The following CNTNAP4 variants were observed in gnomAD, a reference collection of about 807,000 sequenced individuals.
The protein encoded by CNTNAP4 is contactin-associated protein-like 4.
CNTNAP4 carries 98 observed loss-of-function variants against 148.4 expected under a neutral mutation model. That is an observed-to-expected ratio of 0.66 (90% CI 0.56 to 0.78). The LOEUF (loss-of-function observed/expected upper bound fraction) is 0.78. CNTNAP4 is among the 30% of genes least tolerant of loss of function. The pLI, the probability that CNTNAP4 is intolerant of heterozygous loss-of-function variation, is 0.00. For missense variants in CNTNAP4, 1,935 were observed against 1,565.6 expected (o/e 1.24, Z -3.98); for synonymous variants, 730 against 565.1 (o/e 1.29, Z -4.14).
intron 4 of CNTNAP4, among the ~76,000 whole-genome samples, chr16:76,445,633 T>C (rs2080210382): frequency 6.6e-6 from 1 of 152,030 alleles, no homozygotes; most frequent in South Asian, 2.1e-4. Context: ...CACAAAAGCT[T>C]TAGGTGCCAC....
intron 3 of CNTNAP4, among the ~76,000 whole-genome samples, chr16:76,420,711 G>A (rs2079160230): frequency 6.6e-6 from 1 of 151,830 alleles, no homozygotes; most frequent in South Asian, 2.1e-4. Flanking sequence ...AAACTACCCA[G>A]CTATTGTTTC....
chr16:76,309,076 A>T lies in CNTNAP4; in HGVS notation c.86-7337A>T, dbSNP rs958448238. ...CCACCTTGGCCTTGAAAGTGCTGGG[A>T]TTACAAGCATGAGCGAGCACACCTG... On this transcript the variant is annotated intron_variant, in intron 1 of 23. Transcript: ENST00000611870. Among the ~76,000 whole-genome samples, 7 of 151,696 alleles carry T rather than the reference A, an allele frequency of 4.6e-5. 1 individual carries two copies. Among genetic ancestry groups the T allele is most frequent in the Admixed American group, 4.6e-4 (7 of 15,208 alleles).
intron 2 of CNTNAP4, among the ~76,000 whole-genome samples, chr16:76,316,943 T>C (rs1049297467): frequency 2.0e-5 from 3 of 152,146 alleles, no homozygotes; most frequent in Admixed American, 6.6e-5. Flanking sequence ...AGCTGAAGAA[T>C]AGGAACATAA....
intron 3 of CNTNAP4, among the ~76,000 whole-genome samples, chr16:76,392,066 C>G (rs968229292): frequency 7.9e-5 from 12 of 152,192 alleles, no homozygotes; most frequent in Admixed American, 7.9e-4. Flanking sequence ...TCTCGGCTCA[C>G]TGCAACGAGT....
At chr16:76,322,107 A>G (rs985014207) in intron 2 of CNTNAP4, among the ~76,000 whole-genome samples, 3 of 152,194 alleles carry the variant, frequency 2.0e-5, no homozygotes, top group Non-Finnish European at 4.4e-5. Context: ...AGACCAACTC[A>G]TGATATCCAG....
chr16:76,339,369 G>T (rs1964280672), intron 2 of CNTNAP4, among the ~76,000 whole-genome samples: 1 of 152,008 alleles, frequency 6.6e-6, no homozygotes, highest in African/African-American at 2.4e-5. Context: ...ATAGTGTTTA[G>T]ATTGTTGAAA....
At chr16:76,355,235 T>G in intron 2 of CNTNAP4, 83 bp from the exon 3 acceptor site, 1 of 1,011,344 alleles carries the variant, frequency 9.9e-7, no homozygotes, top group South Asian at 2.0e-5. Flanking sequence ...AGGAATACAG[T>G]CGTACTGGCA....
intron 2 of CNTNAP4, among the ~76,000 whole-genome samples, chr16:76,338,903 G>A (rs1964239086): frequency 6.6e-6 from 1 of 152,186 alleles, no homozygotes; most frequent in South Asian, 2.1e-4. Flanking sequence ...GAATACAGAA[G>A]TGATCTCTGT....
At chr16:76,419,640 C>T (rs1407840261) in intron 3 of CNTNAP4, among the ~76,000 whole-genome samples, 7 of 151,950 alleles carry the variant, frequency 4.6e-5, no homozygotes, top group African/African-American at 7.2e-5. Context: ...TGGATGGTCC[C>T]GTCCCTCTAG....
chr16:76,388,620 C>T (rs2016705242), intron 3 of CNTNAP4, among the ~76,000 whole-genome samples: 1 of 152,148 alleles, frequency 6.6e-6, no homozygotes, highest in Admixed American at 6.5e-5. Flanking sequence ...ATATTTTATG[C>T]ATAATGTCTG....
chr16:76,486,299 A>C lies in CNTNAP4; in HGVS notation c.1883-3387A>C, dbSNP rs546382066. On this transcript the variant is annotated intron_variant, in intron 12 of 23. Transcript: ENST00000611870. ...ACAGATATGAAAATAAAAGTTTAAA[A>C]GTTTTAAAGATTTTTAAAATGCATT... 7.9e-5 allele frequency among the ~76,000 whole-genome samples: 12 copies of C among 152,352 alleles called. No individual in the cohort carries two copies. In the East Asian group the frequency reaches 2.3e-3, roughly 29 times the overall value.
rs1567739704 is a variant in CNTNAP4, at chr16:76,333,238, C to T, written c.196+16715C>T. Among the ~76,000 whole-genome samples the T allele has an allele frequency of 2.0e-5, 3 of 152,188 alleles. No individual in the cohort carries two copies. In the South Asian group the frequency reaches 6.2e-4, roughly 32 times the overall value. ...GGCCCCATGAGATGTTTGAGTGGAC[C>T]TTAGAGCTATCATTAATCTTATAGC... On this transcript the variant is annotated intron_variant, in intron 2 of 23. Transcript: ENST00000611870.
At chr16:76,538,485 A>G in intron 19 of CNTNAP4, 145 bp downstream of exon 19, 1 of 589,280 alleles carries the variant, frequency 1.7e-6, no homozygotes, top group South Asian at 2.2e-5. Flanking sequence ...TTTTAGTACT[A>G]TCCTATAAGT....
intron 3 of CNTNAP4, among the ~76,000 whole-genome samples, chr16:76,384,378 ATAAGT>A (rs1236112444): frequency 1.1e-4 from 17 of 152,158 alleles, no homozygotes; most frequent in Non-Finnish European, 1.5e-5. Context: ...TTTACTTGTA[ATAAGT>A]TAAGGCTGGC....
intron 15 of CNTNAP4, among the ~76,000 whole-genome samples, chr16:76,502,691 C>T (rs758318551): frequency 7.2e-5 from 11 of 151,784 alleles, no homozygotes; most frequent in Non-Finnish European, 1.2e-4. Context: ...GAGGTAAATT[C>T]GATATGATTT....
intron 3 of CNTNAP4, among the ~76,000 whole-genome samples, chr16:76,370,684 T>C (rs927413348): frequency 2.0e-5 from 3 of 152,202 alleles, no homozygotes; most frequent in Admixed American, 1.3e-4. Context: ...GAAGAAGGTA[T>C]GTTACTAACG....
At chr16:76,346,335 G>C (rs773750391) in intron 2 of CNTNAP4, among the ~76,000 whole-genome samples, 2 of 142,882 alleles carry the variant, frequency 1.4e-5, no homozygotes, top group Non-Finnish European at 3.1e-5. Flanking sequence ...GATGTCTGTT[G>C]GGTACAGGAG....
At chr16:76,461,609 A>C (rs923104052) in intron 8 of CNTNAP4, among the ~76,000 whole-genome samples, 3 of 152,256 alleles carry the variant, frequency 2.0e-5, no homozygotes, top group Non-Finnish European at 4.4e-5. Context: ...GCAAAGTAGC[A>C]GGTAAACCAT....
chr16:76,283,412 G>A (rs1252785578), intron 1 of CNTNAP4, among the ~76,000 whole-genome samples: 2 of 151,878 alleles, frequency 1.3e-5, no homozygotes, highest in South Asian at 2.1e-4. Context: ...ATCAACCTAA[G>A]TGCCCATTAG....
Sources: allele counts gnomAD v4.1 joint callset (sites outside exome capture counted in the v4.1 genomes callset), GRCh38; gene constraint gnomAD v4.1.1; transcripts MANE v1.5; gene names NCBI Gene and HGNC (gene_info 2026-07-23, HGNC 2026-07-21).